PPFIA2: variants seen among roughly 807,000 people sequenced by gnomAD.
PPFIA2 encodes liprin-alpha-2.
PPFIA2 carries 46 observed loss-of-function variants against 175.5 expected under a neutral mutation model. The observed-to-expected ratio is 0.26, with a 90% CI of 0.21 to 0.34. The LOEUF is 0.34. PPFIA2 is among the 10% of genes least tolerant of loss of function. The probability of loss-of-function intolerance (pLI) is 1.00; values close to 1 mark genes in which losing one functional copy is unlikely to be tolerated. For synonymous variants in PPFIA2, 568 were observed against 511.4 expected, an observed-to-expected ratio of 1.11 and a Z score of -1.49; for missense variants, 1,179 against 1,506.1, an observed-to-expected ratio of 0.78 and a Z score of 3.60.
intron 4 of PPFIA2, among the ~76,000 whole-genome samples, chr12:81,544,507 G>A (rs2066695153): frequency 6.6e-6 from 1 of 152,106 alleles, no homozygotes; most frequent in Non-Finnish European, 1.5e-5. Context: ...GCTTTTGAAT[G>A]TCTCTTTGAA....
intron 4 of PPFIA2, among the ~76,000 whole-genome samples, chr12:81,534,682 A>T (rs1278313376): frequency 6.6e-6 from 1 of 151,746 alleles, no homozygotes; most frequent in Non-Finnish European, 1.5e-5. Flanking sequence ...TCTAGAAACA[A>T]CCCAAGCACA....
intron 4 of PPFIA2, among the ~76,000 whole-genome samples, chr12:81,567,517 T>C (rs1479851160): frequency 6.6e-6 from 1 of 152,172 alleles, no homozygotes; most frequent in Admixed American, 6.5e-5. Flanking sequence ...CTTTGATCCA[T>C]GTAATATTTG....
At chr12:81,642,190 CTG>C (rs1229027313) in intron 4 of PPFIA2, among the ~76,000 whole-genome samples, 3 of 152,032 alleles carry the variant, frequency 2.0e-5, no homozygotes, top group Non-Finnish European at 2.9e-5. Flanking sequence ...CTCAAAGACT[CTG>C]TTATAATAAG....
intron 4 of PPFIA2, among the ~76,000 whole-genome samples, chr12:81,555,414 A>G (rs1458628962): frequency 6.6e-6 from 1 of 152,014 alleles, no homozygotes; most frequent in Middle Eastern, 3.2e-3. Flanking sequence ...TCTTAGTCAA[A>G]TGACATTTTA....
chr12:81,462,294 T>C (rs1452989996), intron 4 of PPFIA2, among the ~76,000 whole-genome samples: 5 of 145,698 alleles, frequency 3.4e-5, no homozygotes, highest in African/African-American at 1.2e-4. Flanking sequence ...AACATATATA[T>C]ATATATATGT....
chr12:81,610,973 G>A (rs1024597525), intron 4 of PPFIA2, among the ~76,000 whole-genome samples: 16 of 152,138 alleles, frequency 1.1e-4, no homozygotes, highest in African/African-American at 3.9e-4. Flanking sequence ...GTTTTCACAG[G>A]TGTATATATT....
chr12:81,555,714 T>G (rs937259501), intron 4 of PPFIA2, among the ~76,000 whole-genome samples: 8 of 151,944 alleles, frequency 5.3e-5, no homozygotes, highest in African/African-American at 1.9e-4. Flanking sequence ...GTCAGTAAAT[T>G]AATAGAGTTG....
At chr12:81,284,140 C>A in intron 25 of PPFIA2, 101 bp downstream of exon 25, 1 of 899,418 alleles carries the variant, frequency 1.1e-6, no homozygotes, top group Non-Finnish European at 1.8e-6. Context: ...ACTATAAAAA[C>A]ACACCCTATT....
At chr12:81,542,237 T>C (rs941038258) in intron 4 of PPFIA2, among the ~76,000 whole-genome samples, 3 of 151,988 alleles carry the variant, frequency 2.0e-5, no homozygotes, top group African/African-American at 7.2e-5. Flanking sequence ...AAGCTGAGAC[T>C]GGGGTGAGTG....
At chr12:81,455,945 G>T (rs775456728) in intron 5 of PPFIA2, among the ~76,000 whole-genome samples, 8 of 152,112 alleles carry the variant, frequency 5.3e-5, no homozygotes, top group Non-Finnish European at 1.0e-4. Context: ...GTGTAGAAAG[G>T]AGTAAGGGGC....
At chr12:81,478,352 CA>C (rs1431033622) in intron 4 of PPFIA2, among the ~76,000 whole-genome samples, 1 of 151,824 alleles carries the variant, frequency 6.6e-6, no homozygotes, top group Admixed American at 6.6e-5. Context: ...TTAATCTTTT[CA>C]AAAAACCACA....
chr12:81,718,021 C>T (rs1462244820), intron 3 of PPFIA2, among the ~76,000 whole-genome samples: 1 of 151,606 alleles, frequency 6.6e-6, no homozygotes, highest in African/African-American at 2.4e-5. Flanking sequence ...GGAGAGGCAC[C>T]TCCTATTTGG....
At chr12:81,383,144 TA>T (rs1470942730) in intron 9 of PPFIA2, among the ~76,000 whole-genome samples, 1 of 152,040 alleles carries the variant, frequency 6.6e-6, no homozygotes, top group Non-Finnish European at 1.5e-5. Flanking sequence ...AGGGAAAAAG[TA>T]AGATACAATT....
At chr12:81,375,758 G>T in intron 10 of PPFIA2, 38 bp downstream of exon 10, 3 of 1,552,650 alleles carry the variant, frequency 1.9e-6, no homozygotes, top group Non-Finnish European at 2.7e-6. Flanking sequence ...TGATGAGAAC[G>T]CACAGACCAG....
chr12:81,334,568 T>G (rs2056776438), intron 21 of PPFIA2, among the ~76,000 whole-genome samples: 1 of 152,164 alleles, frequency 6.6e-6, no homozygotes, highest in South Asian at 2.1e-4. Context: ...GGTTGAACTC[T>G]TTCTCTTCAA....
intron 8 of PPFIA2, among the ~76,000 whole-genome samples, chr12:81,404,363 A>G (rs1012116245): frequency 6.6e-6 from 1 of 152,170 alleles, no homozygotes; most frequent in Non-Finnish European, 1.5e-5. Context: ...TAACCAGCCA[A>G]TTGTGATTCT....
At chr12:81,509,601 C>A (rs1441621117) in intron 4 of PPFIA2, among the ~76,000 whole-genome samples, 5 of 144,422 alleles carry the variant, frequency 3.5e-5, no homozygotes, top group African/African-American at 1.3e-4. Flanking sequence ...CTCCACCTAA[C>A]CTTTTTTTTT....
chr12:81,356,167 C>T (rs1316992920), intron 16 of PPFIA2, among the ~76,000 whole-genome samples: 1 of 152,056 alleles, frequency 6.6e-6, no homozygotes, highest in African/African-American at 2.4e-5. Context: ...ATTGTTGTGT[C>T]TTGGGGAATA....
At chr12:81,733,654 G>A (rs2081213458) in intron 3 of PPFIA2, among the ~76,000 whole-genome samples, 2 of 151,636 alleles carry the variant, frequency 1.3e-5, no homozygotes, top group Non-Finnish European at 3.0e-5. Flanking sequence ...TATTTAAAGA[G>A]GCAATGAATA....
Sources: gnomAD v4.1 joint callset for allele counts (sites outside exome capture counted in the v4.1 genomes callset) on GRCh38, gnomAD v4.1.1 for gene constraint, MANE v1.5 for transcripts, NCBI Gene and HGNC (gene_info 2026-07-23, HGNC 2026-07-21) for gene names.